CDCA2: variants seen among roughly 807,000 people sequenced by gnomAD.
CDCA2 encodes cell division cycle associated 2, also known as cell division cycle-associated protein 2.
In CDCA2, 44 loss-of-function variants were observed where a neutral mutation model predicts 67.0. That is an observed-to-expected ratio of 0.66 (90% CI 0.52 to 0.84). The LOEUF (loss-of-function observed/expected upper bound fraction) is 0.84, where lower values mean the gene tolerates loss of function less well. Ranked by LOEUF, CDCA2 falls within the 40% of genes least tolerant of loss-of-function variation. CDCA2 has a pLI of 0.00. For synonymous variants in CDCA2, 447 were observed against 418.7 expected, an observed-to-expected ratio of 1.07 and a Z score of -0.82; for missense variants, 1,253 against 1,203.2, an observed-to-expected ratio of 1.04 and a Z score of -0.61.
chr8:25,498,589 G>A (rs1804343540), intron 13 of CDCA2, among the ~76,000 whole-genome samples: 5 of 151,806 alleles, frequency 3.3e-5, no homozygotes, highest in Admixed American at 3.3e-4. Flanking sequence ...AAGATCCCAA[G>A]TACCCTTTAC....
intron 6 of CDCA2, 119 bp downstream of exon 6, chr8:25,468,532 G>GGTGGGTGTGT (rs1554520608): frequency 1.9e-5 from 8 of 424,192 alleles, no homozygotes; most frequent in Non-Finnish European, 3.4e-5. Context: ...TGGTTCCTGG[G>GGTGGGTGTGT]GTGTGTGTGT....
At position 25,483,738 on chromosome 8, in the gene CDCA2, A is replaced by G. The variant is rs548363741; in HGVS notation, c.1121-228A>G. On this transcript the variant is annotated intron_variant, in intron 9 of 14. Coordinates refer to ENST00000330560, the MANE Select transcript of CDCA2 (RefSeq NM_152562.4). ...TTATATTTCAATTTTATTAACGTTTAATATGCAAATTTTTACTTGGAAATC... is the reference window on the plus strand; with the variant it reads ...TTATATTTCAATTTTATTAACGTTTGATATGCAAATTTTTACTTGGAAATC... 3.3e-5 allele frequency among the ~76,000 whole-genome samples: 5 copies of G among 152,308 alleles called. No homozygotes were observed. In the East Asian group the frequency reaches 9.6e-4, roughly 29 times the overall value.
chr8:25,501,506 T>C (rs1410315874), intron 13 of CDCA2, among the ~76,000 whole-genome samples: 2 of 152,260 alleles, frequency 1.3e-5, no homozygotes, highest in African/African-American at 4.8e-5. Flanking sequence ...GGCCGGGCCA[T>C]GTCTTGCTGC....
chr8:25,463,782 A>C (rs771891488), intron 4 of CDCA2, among the ~76,000 whole-genome samples: 1 of 152,088 alleles, frequency 6.6e-6, no homozygotes, highest in Admixed American at 6.5e-5. Context: ...GATCCCTTGA[A>C]TTAAACCTAC....
intron 7 of CDCA2, among the ~76,000 whole-genome samples, chr8:25,472,936 C>T (rs1401663329): frequency 6.6e-6 from 1 of 152,112 alleles, no homozygotes; most frequent in Non-Finnish European, 1.5e-5. Flanking sequence ...CACTGTTGTG[C>T]AATAGATCTC....
intron 8 of CDCA2, among the ~76,000 whole-genome samples, chr8:25,482,622 A>G (rs890956743): frequency 6.6e-6 from 1 of 152,238 alleles, no homozygotes; most frequent in Admixed American, 6.5e-5. Context: ...TAATCCCAGC[A>G]CTTTGGGAGG....
chr8:25,482,737 G>A (rs1803620747), intron 8 of CDCA2, among the ~76,000 whole-genome samples: 1 of 152,162 alleles, frequency 6.6e-6, no homozygotes, highest in Non-Finnish European at 1.5e-5. Context: ...GGGTGTGGTA[G>A]TGCGCACCTG....
chr8:25,503,438 GGAAA>G lies in CDCA2; in HGVS notation c.1740_1743del (p.Arg581ThrfsTer21), dbSNP rs770239000. Reference sequence around the variant, plus strand: ...AAAGTGTTCAGAAATCTTTATATGGGGAAAGAGACATTGCTTCTAAGAAGCCCCT... The same window carrying G: ...AAAGTGTTCAGAAATCTTTATATGGGGAGACATTGCTTCTAAGAAGCCCCT... On this transcript the variant is annotated frameshift_variant, in exon 14 of 15. Transcript: ENST00000330560. LOFTEE classifies it high-confidence loss of function. 12 of 1,613,996 alleles carry G rather than the reference GGAAA, an allele frequency of 7.4e-6. No homozygotes were observed. The South Asian group carries it at 1.3e-4, about 18-fold the overall frequency.
At chr8:25,490,957 A>G (rs1803978662) in intron 13 of CDCA2, among the ~76,000 whole-genome samples, 2 of 152,208 alleles carry the variant, frequency 1.3e-5, no homozygotes, top group Admixed American at 6.5e-5. Flanking sequence ...GAAAAGACCA[A>G]TGTTAATAAG....
At chr8:25,496,595 A>G (rs1269826588) in intron 13 of CDCA2, among the ~76,000 whole-genome samples, 1 of 152,172 alleles carries the variant, frequency 6.6e-6, no homozygotes, top group Non-Finnish European at 1.5e-5. Context: ...CAAACAGCTC[A>G]TTAGCAAGAA....
At chr8:25,468,136 AAAAG>A (rs1310258091) in intron 5 of CDCA2, 77 bp from the exon 6 acceptor site, 16 of 574,546 alleles carry the variant, frequency 2.8e-5, no homozygotes, top group African/African-American at 7.9e-5. Flanking sequence ...AAAAAAAAAA[AAAAG>A]AAAAGAAAAA....
At chr8:25,462,860 T>A (rs1330165811) in intron 4 of CDCA2, among the ~76,000 whole-genome samples, 4 of 152,084 alleles carry the variant, frequency 2.6e-5, no homozygotes, top group African/African-American at 9.7e-5. Flanking sequence ...AAATTTTTTT[T>A]TGTAGAGATG....
At chr8:25,474,696 A>G (rs1477893897) in intron 7 of CDCA2, among the ~76,000 whole-genome samples, 1 of 152,014 alleles carries the variant, frequency 6.6e-6, no homozygotes, top group Admixed American at 6.6e-5. Flanking sequence ...GGGTTCTGTG[A>G]TTGTCTCTGA....
rs1226814766 is a variant in CDCA2, at chr8:25,485,749, C to G, written c.1366-10C>G. 1 of 1,559,890 alleles carries G rather than the reference C, an allele frequency of 6.4e-7. No homozygotes were observed. The highest frequency in any genetic ancestry group is 8.7e-7 in the Non-Finnish European group (1 of 1,144,004). ...AAAGATATCTAACTTCTGTCTTTTCCTTTGTTTAGGAAAACATAGAACCAC... is the reference window on the plus strand; with the variant it reads ...AAAGATATCTAACTTCTGTCTTTTCGTTTGTTTAGGAAAACATAGAACCAC... On this transcript the variant is annotated splice_polypyrimidine_tract_variant and intron_variant, in intron 10 of 14. Coordinates refer to ENST00000330560, the MANE Select transcript of CDCA2 (RefSeq NM_152562.4).
At chr8:25,495,419 A>ACC (rs1554526014) in intron 13 of CDCA2, among the ~76,000 whole-genome samples, 1 of 128,058 alleles carries the variant, frequency 7.8e-6, no homozygotes, top group Non-Finnish European at 1.7e-5. Flanking sequence ...AGTGGGATAA[A>ACC]TCTTTTTTTT....
At position 25,503,550 on chromosome 8, in the gene CDCA2, C is replaced by T. The variant is rs368555275; in HGVS notation, c.1843+6C>T. 5.7e-6 allele frequency: 9 copies of T among 1,585,302 alleles called. No individual in the cohort carries two copies. The highest frequency in any genetic ancestry group is 7.7e-6 in the Non-Finnish European group (9 of 1,171,366). ...CATCCGAAGACTGGGTTCAGGTATC[C>T]TGACATTTTCCTGGTAGTTATATTT... On this transcript the variant is annotated splice_donor_region_variant and intron_variant, in intron 14 of 14. Coordinates refer to ENST00000330560, the MANE Select transcript of CDCA2 (RefSeq NM_152562.4).
chr8:25,480,625 A>T (rs1803531758), intron 8 of CDCA2, among the ~76,000 whole-genome samples: 1 of 152,148 alleles, frequency 6.6e-6, no homozygotes, highest in Non-Finnish European at 1.5e-5. Flanking sequence ...GTTTCTGTTG[A>T]CAGTTCTGGC....
intron 8 of CDCA2, among the ~76,000 whole-genome samples, chr8:25,482,902 C>T (rs2117514364): frequency 6.6e-6 from 1 of 152,240 alleles, no homozygotes; most frequent in African/African-American, 2.4e-5. Context: ...TATGCTTTTA[C>T]ATGACATTTA....
chr8:25,480,451 TATTA>T (rs1289582160), intron 8 of CDCA2, among the ~76,000 whole-genome samples: 6 of 152,198 alleles, frequency 3.9e-5, no homozygotes, highest in Non-Finnish European at 8.8e-5. Flanking sequence ...ATATAAGTGA[TATTA>T]ATTACTTAAT....
Sources: gnomAD v4.1 joint callset for allele counts (sites outside exome capture counted in the v4.1 genomes callset) on GRCh38, gnomAD v4.1.1 for gene constraint, MANE v1.5 for transcripts, NCBI Gene and HGNC (gene_info 2026-07-23, HGNC 2026-07-21) for gene names.